HPSE2: variants seen among roughly 807,000 people sequenced by gnomAD.
HPSE2 encodes the protein heparanase 2 (inactive), also known as inactive heparanase-2.
A neutral mutation model predicts 60.5 loss-of-function variants in HPSE2; 38 were observed. The ratio of observed to expected loss-of-function variants is 0.63; its 90% CI spans 0.48 to 0.82. The LOEUF is 0.82. HPSE2 is among the 40% of genes least tolerant of loss of function. The probability of loss-of-function intolerance (pLI) is 0.00; values close to 1 mark genes in which losing one functional copy is unlikely to be tolerated. For missense variants in HPSE2, 713 were observed against 740.4 expected (o/e 0.96, Z 0.43); for synonymous variants, 295 against 293.2 (o/e 1.01, Z -0.06).
At chr10:99,068,406 G>A (rs1372779260) in intron 3 of HPSE2, among the ~76,000 whole-genome samples, 1 of 152,212 alleles carries the variant, frequency 6.6e-6, no homozygotes, top group Non-Finnish European at 1.5e-5. Context: ...CATGGCAGAA[G>A]GCAAATGAGG....
At chr10:98,981,421 G>A (rs1479260180) in intron 3 of HPSE2, among the ~76,000 whole-genome samples, 2 of 152,060 alleles carry the variant, frequency 1.3e-5, no homozygotes, top group Non-Finnish European at 2.9e-5. Flanking sequence ...TAAGAGCTTG[G>A]ACAAGTCCCT....
chr10:98,887,835 G>A (rs1349573805), intron 3 of HPSE2, among the ~76,000 whole-genome samples: 1 of 151,406 alleles, frequency 6.6e-6, no homozygotes, highest in Non-Finnish European at 1.5e-5. Context: ...GACACAGGAA[G>A]ATAGAATTAA....
chr10:98,737,130 G>C (rs1248311577), intron 4 of HPSE2, among the ~76,000 whole-genome samples: 2 of 152,070 alleles, frequency 1.3e-5, no homozygotes, highest in Non-Finnish European at 2.9e-5. Flanking sequence ...TGAAAATACA[G>C]TTTTCTAAAG....
chr10:98,779,338 C>T (rs1467419076), intron 3 of HPSE2, among the ~76,000 whole-genome samples: 4 of 152,158 alleles, frequency 2.6e-5, no homozygotes, highest in African/African-American at 4.8e-5. Context: ...TCTTTCCACA[C>T]ACTGAAATGG....
At chr10:99,299,524 C>T in the HPSE2 span, among the ~76,000 whole-genome samples, 1 of 152,176 alleles carries the variant, frequency 6.6e-6, no homozygotes, top group Non-Finnish European at 1.5e-5. Context: ...TTATCATCCA[C>T]TTGTTGTACT....
intron 4 of HPSE2, among the ~76,000 whole-genome samples, chr10:98,734,061 T>C (rs995502436): frequency 2.6e-5 from 4 of 152,194 alleles, no homozygotes; most frequent in African/African-American, 9.7e-5. Flanking sequence ...TTTCCGTCTC[T>C]GTAGATTTGT....
chr10:98,541,251 A>C (rs964223665), intron 9 of HPSE2, among the ~76,000 whole-genome samples: 1 of 152,238 alleles, frequency 6.6e-6, no homozygotes, highest in Non-Finnish European at 1.5e-5. Flanking sequence ...TGTACTGCAT[A>C]AGACAAATTT....
At chr10:99,162,302 C>T (rs1846876557) in intron 2 of HPSE2, among the ~76,000 whole-genome samples, 1 of 152,160 alleles carries the variant, frequency 6.6e-6, no homozygotes, top group African/African-American at 2.4e-5. Context: ...CATCTTAAAA[C>T]CTTGGGACTT....
chr10:98,520,871 C>T (rs947646215), intron 9 of HPSE2, among the ~76,000 whole-genome samples: 7 of 152,018 alleles, frequency 4.6e-5, no homozygotes, highest in Non-Finnish European at 1.0e-4. Context: ...ACAAACCTGA[C>T]AAAAACAAGA....
At chr10:98,467,854 A>T (rs182370464) in intron 11 of HPSE2, among the ~76,000 whole-genome samples, 223 of 152,360 alleles carry the variant, frequency 1.5e-3, no homozygotes, top group African/African-American at 5.2e-3. Context: ...CCTAATATTA[A>T]GGAAACGTGC....
At chr10:99,031,206 G>A (rs763276614) in intron 3 of HPSE2, among the ~76,000 whole-genome samples, 21 of 152,036 alleles carry the variant, frequency 1.4e-4, no homozygotes, top group Non-Finnish European at 2.8e-4. Context: ...TCCAAGATGT[G>A]CTTATTTCAC....
intron 2 of HPSE2, among the ~76,000 whole-genome samples, chr10:99,161,416 A>G (rs1564856980): frequency 6.6e-6 from 1 of 152,126 alleles, no homozygotes; most frequent in Non-Finnish European, 1.5e-5. Context: ...CCTCAACAAC[A>G]TTAGACTAGA....
At chr10:98,810,764 A>AT (rs1017739978) in intron 3 of HPSE2, among the ~76,000 whole-genome samples, 2 of 151,894 alleles carry the variant, frequency 1.3e-5, no homozygotes, top group Admixed American at 1.3e-4. Context: ...AACTAAAAAA[A>AT]AAAAATAAAA....
chr10:99,288,443 A>G, the HPSE2 span, among the ~76,000 whole-genome samples: 740 of 152,324 alleles, frequency 4.9e-3, 1 homozygote, highest in East Asian at 0.018. Context: ...ATTATCCCAG[A>G]ATAAAAAGAA....
Position 98,591,111 on chromosome 10 carries a change from C to T in HPSE2, c.1320+23793G>A, listed in dbSNP as rs182635208. Among the ~76,000 whole-genome samples, 619 of 96,476 alleles carry T rather than the reference C, an allele frequency of 6.4e-3. 2 individuals carry two copies. Among genetic ancestry groups the T allele is most frequent in the African/African-American group, 0.017 (585 of 33,462 alleles). The allele number at this position is 96,476 out of a possible 152,430, so 63.3% of individuals were successfully genotyped here. A position where few individuals can be genotyped will look rare whatever the true frequency, so the allele number is the denominator to read the frequency against. Reference sequence around the variant, plus strand: ...TACATTTATTTAGATACAGGAAGAACGGTGAAATAGGGATCAAAAAAAAAG... The same window carrying T: ...TACATTTATTTAGATACAGGAAGAATGGTGAAATAGGGATCAAAAAAAAAG... On this transcript the variant is annotated intron_variant, in intron 9 of 11. Transcript: ENST00000370552.
At chr10:99,185,447 C>A (rs73337408) in intron 2 of HPSE2, among the ~76,000 whole-genome samples, 4,193 of 151,998 alleles carry the variant, frequency 0.028, 193 homozygotes, top group African/African-American at 0.096. Context: ...AAGAAATTAG[C>A]CAAATGAAAA....
rs34509249 is a variant in HPSE2 at position 98,595,164 on chromosome 10, A to ATTT, written c.1320+19737_1320+19739dup. On this transcript the variant is annotated intron_variant, in intron 9 of 11. Coordinates refer to ENST00000370552, the MANE Select transcript of HPSE2 (RefSeq NM_021828.5). Reference sequence around the variant, plus strand: ...TATTTCTGTAGCTATTATAAATGAGATTTTTTTTTTTTTTTTTTTTTTTGA... The same window carrying ATTT: ...TATTTCTGTAGCTATTATAAATGAGATTTTTTTTTTTTTTTTTTTTTTTTTTGA... Among the ~76,000 whole-genome samples the ATTT allele has an allele frequency of 5.9e-3, 540 of 91,694 alleles. 18 individuals are homozygous for ATTT. Among genetic ancestry groups the ATTT allele is most frequent in the African/African-American group, 0.02 (486 of 24,922 alleles). The allele number at this position is 91,694 out of a possible 152,430, so 60.2% of individuals were successfully genotyped here. A position where few individuals can be genotyped will look rare whatever the true frequency, so the allele number is the denominator to read the frequency against.
At chr10:98,682,426 C>T (rs1033683197) in intron 6 of HPSE2, among the ~76,000 whole-genome samples, 1 of 152,164 alleles carries the variant, frequency 6.6e-6, no homozygotes, top group Non-Finnish European at 1.5e-5. Flanking sequence ...GCCAAACACA[C>T]AACCAAACAT....
At chr10:99,133,082 C>T (rs1468117630) in intron 3 of HPSE2, among the ~76,000 whole-genome samples, 1 of 152,190 alleles carries the variant, frequency 6.6e-6, no homozygotes, top group East Asian at 1.9e-4. Flanking sequence ...ATTGTTGAAG[C>T]TTGAGTAGGC....
Sources: allele counts gnomAD v4.1 joint callset (sites outside exome capture counted in the v4.1 genomes callset), GRCh38; gene constraint gnomAD v4.1.1; transcripts MANE v1.5; gene names NCBI Gene and HGNC (gene_info 2026-07-23, HGNC 2026-07-21).